TUT4: variants seen among roughly 807,000 people sequenced by gnomAD.
The protein encoded by TUT4 is terminal uridylyl transferase 4, also known as terminal uridylyltransferase 4.
In TUT4, 36 loss-of-function variants were observed where a neutral mutation model predicts 192.2. That is an observed-to-expected ratio of 0.19 (90% CI 0.14 to 0.25). The LOEUF (loss-of-function observed/expected upper bound fraction) is 0.25. Among genes scored for constraint, TUT4 ranks in the 10% least tolerant of loss-of-function variants. The pLI is 1.00. For missense variants in TUT4, 1,493 were observed against 1,957.2 expected, an observed-to-expected ratio of 0.76 and a Z score of 4.47; for synonymous variants, 618 against 666.0, an observed-to-expected ratio of 0.93 and a Z score of 1.11.
At chr1:52,484,304 A>T (rs1396512661) in intron 9 of TUT4, among the ~76,000 whole-genome samples, 2 of 152,220 alleles carry the variant, frequency 1.3e-5, no homozygotes, top group East Asian at 3.8e-4. Flanking sequence ...CTATTTACAG[A>T]GCATTTATAC....
chr1:52,471,136 A>T (rs185166915), intron 14 of TUT4, among the ~76,000 whole-genome samples: 243 of 149,198 alleles, frequency 1.6e-3, no homozygotes, highest in Middle Eastern at 3.4e-3. Context: ...CCTGCCTCAG[A>T]CTCCCGAGTA....
chr1:52,481,582 T>C lies in TUT4; in HGVS notation c.1689A>G (p.Val563=). ...ATTCCCACTTCACAAACTTCTCTTCTACTATGCCCTTCAGCTGAAAGTCAT... is the reference window on the plus strand; with the variant it reads ...ATTCCCACTTCACAAACTTCTCTTCCACTATGCCCTTCAGCTGAAAGTCAT... ...RMDDFQLKGI[V]EEKFVKWECN... is the part of the protein sequence containing the mutation. Residue 563 remains valine, a synonymous_variant, in exon 11 of 30, where the codon GTA becomes GTG. Transcript: ENST00000257177. The C allele has an allele frequency of 1.2e-6, 2 of 1,613,742 alleles. No individual in the cohort carries two copies. Among genetic ancestry groups the C allele is most frequent in the Non-Finnish European group, 1.7e-6 (2 of 1,179,948 alleles).
Position 52,423,872 on chromosome 1 carries a change from G to T in TUT4, c.*63C>A. 6.3e-7 allele frequency: 1 copy of T among 1,590,490 alleles called. No homozygotes were observed. The highest frequency in any genetic ancestry group is 1.3e-5 in the African/African-American group (1 of 74,432). Reference sequence around the variant, plus strand: ...CTGACATTGAGGTACGGATACCCTTGAGACAGCAGGATTGGCTGGTTGCTG... The same window carrying T: ...CTGACATTGAGGTACGGATACCCTTTAGACAGCAGGATTGGCTGGTTGCTG... On this transcript the variant is annotated 3_prime_UTR_variant, in exon 30 of 30. Transcript: ENST00000257177.
intron 24 of TUT4, among the ~76,000 whole-genome samples, chr1:52,439,886 T>G (rs1340409041): frequency 6.6e-6 from 1 of 152,186 alleles, no homozygotes; most frequent in Admixed American, 6.6e-5. Flanking sequence ...CAACAACTGA[T>G]GAATGGATAA....
In TUT4 at chr1:52,423,627, CAT is replaced by C. The variant is rs1170352946; in HGVS notation, c.*306_*307del. The C allele has an allele frequency of 2.7e-5, 11 of 411,748 alleles. No homozygotes were observed. Among genetic ancestry groups the C allele is most frequent in the Admixed American group, 1.6e-4 (4 of 25,482 alleles). 25.5% of individuals were successfully genotyped at this position (411,748 alleles called of 1,614,324 possible). On this transcript the variant is annotated 3_prime_UTR_variant, in exon 30 of 30. Coordinates refer to ENST00000257177, the MANE Select transcript of TUT4 (RefSeq NM_001009881.3). Reference sequence around the variant, plus strand: ...TACAATTCATCAAGGTTAAACAAAACATAAAATTCCCTTAAAAATAGGGTAAT... The same window carrying C: ...TACAATTCATCAAGGTTAAACAAAACAAAATTCCCTTAAAAATAGGGTAAT...
intron 20 of TUT4, among the ~76,000 whole-genome samples, chr1:52,455,155 A>G (rs183240833): frequency 1.2e-3 from 189 of 152,174 alleles, no homozygotes; most frequent in African/African-American, 4.1e-3. Context: ...ATGGTGGCTC[A>G]TGTCTGTAAT....
At position 52,525,689 on chromosome 1, in the gene TUT4, C is replaced by T; in HGVS notation, c.592G>A (p.Ala198Thr). 6.2e-7 allele frequency: 1 copy of T among 1,614,154 alleles called. No homozygotes were observed. Among genetic ancestry groups the T allele is most frequent in the Non-Finnish European group, 8.5e-7 (1 of 1,180,028 alleles). The change falls in exon 2 of 30, where the codon GCT becomes ACT. Residue 198 changes from alanine to threonine, a missense_variant. Transcript: ENST00000257177. The part of the protein sequence containing the change: ...FTSVDKVNIE[A>T]VGGEKCALQN... The stretch of plus-strand genomic sequence containing the variant: ...AGAGCACATTTTTCTCCCCCTACAG[C>T]TTCAATATTCACTTTGTCCACAGAA...
Position 52,526,088 on chromosome 1 carries a change from T to A in TUT4, c.193A>T (p.Ile65Leu). ...CATGATTTAACTTCTGTTTTTTCTA[T>A]ACAAATATCATTTTGCTTATTTTTT... The part of the protein sequence containing the change: ...SKKNKQNDIC[I>L]EKTEVKSCKV... Residue 65 changes from isoleucine to leucine, a missense_variant, in exon 2 of 30, where the codon ATA becomes TTA. By Grantham distance (5) the Ile-to-Leu change is conservative (BLOSUM62 2). Coordinates refer to ENST00000257177, the MANE Select transcript of TUT4 (RefSeq NM_001009881.3). The A allele has an allele frequency of 6.2e-7, 1 of 1,610,198 alleles. No homozygotes were observed. Among genetic ancestry groups the A allele is most frequent in the Non-Finnish European group, 8.5e-7 (1 of 1,179,104 alleles).
chr1:52,552,456 C>T (rs1192519244), intron 1 of TUT4, among the ~76,000 whole-genome samples: 1 of 152,210 alleles, frequency 6.6e-6, no homozygotes, highest in Non-Finnish European at 1.5e-5. Context: ...GGGAAACATT[C>T]AGTATGTATT....
chr1:52,490,150 C>CTTTTTTT (rs34451806), intron 8 of TUT4, among the ~76,000 whole-genome samples: 1 of 120,380 alleles, frequency 8.3e-6, no homozygotes, highest in Non-Finnish European at 1.7e-5. Context: ...AGAAGAGAGG[C>CTTTTTTT]TTTTTTTTTT....
chr1:52,457,813 ATC>A (rs1282912521), intron 20 of TUT4, among the ~76,000 whole-genome samples: 1 of 152,176 alleles, frequency 6.6e-6, no homozygotes, highest in Non-Finnish European at 1.5e-5. Flanking sequence ...AATGAGTATA[ATC>A]TGTTTCTTTC....
chr1:52,466,856 C>T (rs545641597), intron 15 of TUT4, among the ~76,000 whole-genome samples: 7 of 151,836 alleles, frequency 4.6e-5, no homozygotes, highest in Non-Finnish European at 7.4e-5. Context: ...TTAGTAGAGA[C>T]GGGTTTTGCC....
rs185062627 is a variant in TUT4, at chr1:52,465,052, C to T, written c.3069+18G>A. 190 of 1,570,342 alleles carry T rather than the reference C, an allele frequency of 1.2e-4. No homozygotes were observed. Among genetic ancestry groups the T allele is most frequent in the South Asian group, 4.0e-4 (34 of 84,572 alleles). On this transcript the variant is annotated intron_variant, in intron 16 of 29. Coordinates refer to ENST00000257177, the MANE Select transcript of TUT4 (RefSeq NM_001009881.3). ...TGGGAGAAAATAAACTTACATAACG[C>T]TTTCCAAACACTCTTACCTCTGCAT...
At chr1:52,438,383 T>A (rs766369459) in intron 24 of TUT4, 48 bp from the exon 25 acceptor site, 5 of 1,325,490 alleles carry the variant, frequency 3.8e-6, no homozygotes, top group Non-Finnish European at 4.2e-6. Context: ...ATAAAACTTT[T>A]GAATCCAAAT....
chr1:52,432,266 T>C (rs1388833710), intron 27 of TUT4: 1 of 152,124 alleles, frequency 6.6e-6, no homozygotes. Flanking sequence ...AGTGATCTTT[T>C]AGCTGAGACT....
intron 2 of TUT4, among the ~76,000 whole-genome samples, chr1:52,521,865 T>C (rs1381798135): frequency 6.6e-6 from 1 of 152,058 alleles, no homozygotes; most frequent in African/African-American, 2.4e-5. Flanking sequence ...CTCAGGAGGC[T>C]GAGGCAGGAG....
At chr1:52,445,492 T>C (rs1657274243) in intron 24 of TUT4, among the ~76,000 whole-genome samples, 1 of 152,150 alleles carries the variant, frequency 6.6e-6, no homozygotes, top group Non-Finnish European at 1.5e-5. Context: ...ATTTGGTACA[T>C]CCAATGCGCC....
At chr1:52,532,528 C>T (rs1394307707) in intron 1 of TUT4, among the ~76,000 whole-genome samples, 2 of 152,068 alleles carry the variant, frequency 1.3e-5, no homozygotes, top group Non-Finnish European at 2.9e-5. Flanking sequence ...CCCAGGCTGT[C>T]TCGAACTCCT....
intron 14 of TUT4, among the ~76,000 whole-genome samples, chr1:52,468,726 C>A (rs971799686): frequency 2.6e-5 from 4 of 152,176 alleles, no homozygotes; most frequent in Non-Finnish European, 5.9e-5. Context: ...TAACCACAGC[C>A]TTCAATGATC....
Sources: allele counts gnomAD v4.1 joint callset (sites outside exome capture counted in the v4.1 genomes callset), GRCh38; gene constraint gnomAD v4.1.1; transcripts MANE v1.5; gene names NCBI Gene and HGNC (gene_info 2026-07-23, HGNC 2026-07-21).